PSME4: variants seen among roughly 807,000 people sequenced by gnomAD.
The protein encoded by PSME4 is proteasome activator subunit 4.
PSME4 carries 89 observed loss-of-function variants against 253.9 expected under a neutral mutation model. The observed-to-expected ratio is 0.35, with a 90% CI of 0.30 to 0.42. The LOEUF is 0.42. PSME4 is among the 10% of genes least tolerant of loss of function. PSME4 has a pLI of 1.00. For missense variants in PSME4, 2,014 were observed against 2,195.2 expected (o/e 0.92, Z 1.65); for synonymous variants, 851 against 759.2 (o/e 1.12, Z -1.99).
In PSME4 at chr2:53,931,821, C is replaced by A; in HGVS notation, c.1316+14G>T. 6.2e-7 allele frequency: 1 copy of A among 1,612,714 alleles called. No individual in the cohort carries two copies. The highest frequency in any genetic ancestry group is 8.5e-7 in the Non-Finnish European group (1 of 1,179,142). On this transcript the variant is annotated intron_variant, in intron 10 of 46. Transcript: ENST00000404125. Reference sequence around the variant, plus strand: ...AAAACCTAGCTGTGGCTGAGACTCCCACTAACCACTTACCTTTCAAGTACA... The same window carrying A: ...AAAACCTAGCTGTGGCTGAGACTCCAACTAACCACTTACCTTTCAAGTACA...
intron 41 of PSME4, among the ~76,000 whole-genome samples, chr2:53,883,952 T>C (rs1256546250): frequency 1.3e-5 from 2 of 152,200 alleles, no homozygotes; most frequent in Non-Finnish European, 2.9e-5. Context: ...ATCTGAAATA[T>C]GTTGGAAAGG....
intron 10 of PSME4, among the ~76,000 whole-genome samples, chr2:53,930,993 G>A (rs1469382081): frequency 6.6e-6 from 1 of 152,168 alleles, no homozygotes; most frequent in Non-Finnish European, 1.5e-5. Context: ...CAAATTAAGA[G>A]TAGGCCGGGC....
chr2:53,870,826 A>G (rs1294014808), intron 43 of PSME4: 1 of 151,226 alleles, frequency 6.6e-6, no homozygotes, highest in African/African-American at 2.4e-5. Flanking sequence ...CACAGGTCTC[A>G]CTTTTTTTTT....
At chr2:53,898,445 C>G in intron 29 of PSME4, 91 bp from the exon 30 acceptor site, 1 of 1,025,830 alleles carries the variant, frequency 9.7e-7, no homozygotes, top group Non-Finnish European at 1.4e-6. Context: ...CAATTTCACC[C>G]TCCTTCCCCA....
rs376309400 is a variant in PSME4 at position 53,887,242 on chromosome 2, T to C, written c.4729+17A>G. The stretch of plus-strand genomic sequence containing the variant: ...TAGATGTTTTCAACTGAGTTTCTAC[T>C]AATTTTATCCACTCACTGGTTTTCA... On this transcript the variant is annotated intron_variant, in intron 40 of 46. Coordinates refer to ENST00000404125, the MANE Select transcript of PSME4 (RefSeq NM_014614.3). The C allele has an allele frequency of 5.7e-6, 9 of 1,590,878 alleles. 1 individual carries two copies. Among genetic ancestry groups the C allele is most frequent in the African/African-American group, 1.3e-5 (1 of 74,414 alleles).
At chr2:53,901,121 G>C (rs1401458190) in intron 28 of PSME4, among the ~76,000 whole-genome samples, 1 of 152,078 alleles carries the variant, frequency 6.6e-6, no homozygotes, top group Non-Finnish European at 1.5e-5. Context: ...ACCCTTTGTG[G>C]AGCCCTGGCT....
chr2:53,918,375 A>G (rs1668150547), intron 20 of PSME4, among the ~76,000 whole-genome samples: 1 of 152,136 alleles, frequency 6.6e-6, no homozygotes, highest in Non-Finnish European at 1.5e-5. Context: ...TGTTTTTGAG[A>G]CAGGGTCTCA....
chr2:53,907,221 T>C (rs1680701858), intron 24 of PSME4, among the ~76,000 whole-genome samples: 1 of 152,174 alleles, frequency 6.6e-6, no homozygotes, highest in South Asian at 2.1e-4. Context: ...CTCTTAAATC[T>C]ACAAATAGCC....
chr2:53,946,757 T>G (rs1157683836), intron 3 of PSME4, among the ~76,000 whole-genome samples: 1 of 151,640 alleles, frequency 6.6e-6, no homozygotes, highest in African/African-American at 2.4e-5. Flanking sequence ...AATAAAAAAT[T>G]TTAAAAATTA....
At chr2:53,901,848 C>A (rs563336826) in intron 27 of PSME4, among the ~76,000 whole-genome samples, 38 of 152,240 alleles carry the variant, frequency 2.5e-4, no homozygotes, top group African/African-American at 8.7e-4. Flanking sequence ...ATAAGGCAGA[C>A]TGGTTGAGCT....
At chr2:53,885,476 G>T (rs974017316) in intron 41 of PSME4, among the ~76,000 whole-genome samples, 1 of 152,144 alleles carries the variant, frequency 6.6e-6, no homozygotes, top group African/African-American at 2.4e-5. Flanking sequence ...AAATTTTCAT[G>T]TAGCTGTCAA....
intron 1 of PSME4, among the ~76,000 whole-genome samples, chr2:53,956,025 G>C (rs1318472356): frequency 6.6e-6 from 1 of 152,114 alleles, no homozygotes. Flanking sequence ...AGCACTTTGA[G>C]AGACTGAGAC....
intron 28 of PSME4, among the ~76,000 whole-genome samples, chr2:53,900,524 A>G (rs1222835120): frequency 6.6e-6 from 1 of 152,166 alleles, no homozygotes; most frequent in Non-Finnish European, 1.5e-5. Flanking sequence ...ACAGAATGAG[A>G]CAGAATGAGA....
chr2:53,956,759 T>A (rs984941318), intron 1 of PSME4, among the ~76,000 whole-genome samples: 1 of 151,794 alleles, frequency 6.6e-6, no homozygotes, highest in Non-Finnish European at 1.5e-5. Flanking sequence ...TTTTTATAAT[T>A]AGAATTAACA....
Position 53,899,934 on chromosome 2 carries a change from T to C in PSME4, c.3369A>G (p.Glu1123=). The C allele has an allele frequency of 6.2e-7, 1 of 1,613,700 alleles. No individual in the cohort carries two copies. Residue 1123 remains glutamate, a synonymous_variant, in exon 29 of 47, where the codon GAA becomes GAG. Transcript: ENST00000404125. The stretch of plus-strand genomic sequence containing the variant: ...GGCGTTTAATTCCTTCCTTAATTTT[T>C]TCTGGGCTAAGCAATATCTGGTTGA... ...PSINQILLSP[E]KIKEGIKRQQ... is the part of the protein sequence containing the mutation.
intron 1 of PSME4, among the ~76,000 whole-genome samples, chr2:53,958,534 G>A (rs75763772): frequency 7.6e-4 from 115 of 152,114 alleles, no homozygotes; most frequent in South Asian, 2.1e-3. Flanking sequence ...AAACACACAC[G>A]AGTCTTAATT....
At chr2:53,954,326 T>C (rs66708175) in intron 1 of PSME4, among the ~76,000 whole-genome samples, 19,525 of 149,038 alleles carry the variant, frequency 0.13, 1,889 homozygotes, top group East Asian at 0.57. Flanking sequence ...AGACTCCATT[T>C]CAAAAAAAAA....
At chr2:53,940,578 G>C (rs142891459) in intron 3 of PSME4, among the ~76,000 whole-genome samples, 54 of 152,078 alleles carry the variant, frequency 3.6e-4, no homozygotes, top group African/African-American at 1.3e-3. Flanking sequence ...GTTGCCTCAA[G>C]TGAATACAGG....
At chr2:53,918,578 A>C (rs1668161390) in intron 20 of PSME4, among the ~76,000 whole-genome samples, 1 of 152,138 alleles carries the variant, frequency 6.6e-6, no homozygotes, top group Non-Finnish European at 1.5e-5. Flanking sequence ...TGCACTCAAA[A>C]GATCCGCCTG....
Sources: gnomAD v4.1 joint callset for allele counts (sites outside exome capture counted in the v4.1 genomes callset) on GRCh38, gnomAD v4.1.1 for gene constraint, MANE v1.5 for transcripts, NCBI Gene and HGNC (gene_info 2026-07-23, HGNC 2026-07-21) for gene names.